The following FLT4 variants were observed in gnomAD, a reference collection of about 807,000 sequenced individuals.
The protein encoded by FLT4 is fms related receptor tyrosine kinase 4, also known as vascular endothelial growth factor receptor 3.
In FLT4, 30 loss-of-function variants were observed where a neutral mutation model predicts 163.2. That is an observed-to-expected ratio of 0.18 (90% CI 0.14 to 0.25). The LOEUF is 0.25. Among genes scored for constraint, FLT4 ranks in the 10% least tolerant of loss-of-function variants. The pLI is 1.00. For missense variants in FLT4, 1,510 were observed against 1,863.8 expected (o/e 0.81, Z 3.50); for synonymous variants, 884 against 789.5 (o/e 1.12, Z -2.01).
At chr5:180,643,568 T>G (rs1379112359) in intron 1 of FLT4, among the ~76,000 whole-genome samples, 1 of 152,012 alleles carries the variant, frequency 6.6e-6, no homozygotes, top group Non-Finnish European at 1.5e-5. Context: ...AGAACACAAG[T>G]CCCTCTCCTG....
chr5:180,618,473 C>A, intron 21 of FLT4, among the ~76,000 whole-genome samples: 1 of 151,952 alleles, frequency 6.6e-6, no homozygotes, highest in Non-Finnish European at 1.5e-5. Flanking sequence ...GGGACACCCA[C>A]GTCCTACTCC....
Position 180,630,252 on chromosome 5 carries a change from G to T in FLT4, c.486C>A (p.Ile162=). The T allele has an allele frequency of 6.2e-7, 1 of 1,612,528 alleles. No homozygotes were observed. Among genetic ancestry groups the T allele is most frequent in the Non-Finnish European group, 8.5e-7 (1 of 1,179,834 alleles). ...AGCGCAGCGTGACATTGAGGCCGGG[G>T]ATGGACACCAGACAGGGCACCCACA... The part of the protein sequence containing the change: ...DAMWVPCLVS[I]PGLNVTLRSQ... Residue 162 remains isoleucine, a synonymous_variant, in exon 4 of 30, where the codon ATC becomes ATA. Coordinates refer to ENST00000261937, the MANE Select transcript of FLT4 (RefSeq NM_182925.5). The surrounding 1 kb of genome is among the most constrained non-coding windows in gnomAD (Gnocchi z 6.3).
chr5:180,639,561 G>A (rs978186753), intron 1 of FLT4, among the ~76,000 whole-genome samples: 29 of 152,156 alleles, frequency 1.9e-4, no homozygotes, highest in African/African-American at 6.8e-4. Context: ...GTGAAGCATG[G>A]ATGGGTGGAT....
At chr5:180,615,139 CA>C (rs1762543029) in intron 23 of FLT4, among the ~76,000 whole-genome samples, 1 of 152,170 alleles carries the variant, frequency 6.6e-6, no homozygotes, top group Non-Finnish European at 1.5e-5. Context: ...CCAATCGGAG[CA>C]CTGCGGCCCC....
At chr5:180,638,249 ACAACCCG>A (rs1764835681) in intron 1 of FLT4, among the ~76,000 whole-genome samples, 1 of 152,284 alleles carries the variant, frequency 6.6e-6, no homozygotes, top group South Asian at 2.1e-4. Flanking sequence ...CACCCCACAG[ACAACCCG>A]CAGTCTACGT....
chr5:180,629,122 G>C, intron 7 of FLT4, 123 bp from the exon 8 acceptor site: 1 of 1,442,886 alleles, frequency 6.9e-7, no homozygotes, highest in South Asian at 1.1e-5. Context: ...TGGCCATGCC[G>C]CCCGGTGCAG....
chr5:180,611,633 C>A, intron 26 of FLT4, 154 bp from the exon 27 acceptor site: 4 of 798,324 alleles, frequency 5.0e-6, no homozygotes, highest in Admixed American at 4.2e-5. Flanking sequence ...CCTCGCCCTG[C>A]CCTCAGCCCT....
chr5:180,645,981 G>T (rs534660142), intron 1 of FLT4, among the ~76,000 whole-genome samples: 1 of 152,252 alleles, frequency 6.6e-6, no homozygotes, highest in South Asian at 2.1e-4. Context: ...AGAGAAAACT[G>T]CCCTGTGGAG....
At position 180,637,284 on chromosome 5, in the gene FLT4, C is replaced by T. The variant is rs377183860; in HGVS notation, c.59-5506G>A. Among the ~76,000 whole-genome samples, 397 of 148,730 alleles carry T rather than the reference C, an allele frequency of 2.7e-3. 3 individuals are homozygous for T. Among genetic ancestry groups the T allele is most frequent in the African/African-American group, 9.2e-3 (372 of 40,230 alleles). ...GGCAGAGGTTGCAGTGAGCTGAGAT[C>T]GTGCCACTACACTCCAGCCTGGGAC... On this transcript the variant is annotated intron_variant, in intron 1 of 29. Transcript: ENST00000261937.
chr5:180,606,904 A>AC lies in FLT4; in HGVS notation c.3893+2063_3893+2064insG, dbSNP rs1554107726. Among the ~76,000 whole-genome samples, 457 of 122,662 alleles carry AC rather than the reference A, an allele frequency of 3.7e-3. 4 individuals carry two copies. Among genetic ancestry groups the AC allele is most frequent in the East Asian group, 7.6e-3 (33 of 4,358 alleles). 80.5% of individuals were successfully genotyped at this position (122,662 alleles called of 152,430 possible). On this transcript the variant is annotated intron_variant, in intron 29 of 29. Transcript: ENST00000261937. ...AACCCCGTCTCTACTAAAAAAAAAAAAAAAAAAAAAACAAACAAACAAACT... is the reference window on the plus strand; with the variant it reads ...AACCCCGTCTCTACTAAAAAAAAAAACAAAAAAAAAAACAAACAAACAAACT...
intron 1 of FLT4, among the ~76,000 whole-genome samples, chr5:180,633,055 C>A (rs746297741): frequency 2.0e-5 from 3 of 152,134 alleles, no homozygotes; most frequent in Non-Finnish European, 4.4e-5. Context: ...CTCCCTGAGG[C>A]CCCAGGGTCC....
intron 29 of FLT4, among the ~76,000 whole-genome samples, chr5:180,604,367 A>G (rs7709359): frequency 0.31 from 47,686 of 151,964 alleles, 7,667 homozygotes; most frequent in East Asian, 0.39. Context: ...AGTCCTGTCC[A>G]TTCTAACTCC....
At chr5:180,649,637 G>C (rs1383343772), upstream of FLT4, 2 of 575,456 alleles carry the variant, frequency 3.5e-6, no homozygotes, top group Admixed American at 5.4e-5. Flanking sequence ...GGCGGGGCGG[G>C]GCGGGGCGGG....
At chr5:180,648,575 G>A (rs1765588763) in intron 1 of FLT4, among the ~76,000 whole-genome samples, 1 of 152,110 alleles carries the variant, frequency 6.6e-6, no homozygotes, top group African/African-American at 2.4e-5. Context: ...TTGATTTCCA[G>A]GGACACCAGC....
intron 11 of FLT4, 51 bp from the exon 12 acceptor site, chr5:180,622,890 C>G: frequency 7.9e-7 from 1 of 1,271,702 alleles, no homozygotes; most frequent in Non-Finnish European, 1.1e-6. Context: ...TTCTCCCAAC[C>G]TGGGCCCTGT....
rs751250906 is a variant in FLT4 at position 180,611,526 on chromosome 5, GCCCTCAGCCCTCGCCCCCA to G, written c.3538-66_3538-48del. 65 of 1,603,080 alleles carry G rather than the reference GCCCTCAGCCCTCGCCCCCA, an allele frequency of 4.1e-5. No homozygotes were observed. In the East Asian group the frequency reaches 7.6e-4, roughly 19 times the overall value. On this transcript the variant is annotated intron_variant, in intron 26 of 29. Coordinates refer to ENST00000261937, the MANE Select transcript of FLT4 (RefSeq NM_182925.5). ...GCCAGGCCAGAAACCACCAGCCACT[GCCCTCAGCCCTCGCCCCCA>G]CCCTCAGCCCTCACCCCCGCCCTCA...
In FLT4 at chr5:180,630,001, G is replaced by A. The variant is rs375132572; in HGVS notation, c.618C>T (p.Cys206=). 141 of 1,612,834 alleles carry A rather than the reference G, an allele frequency of 8.7e-5. 1 individual carries two copies. Among genetic ancestry groups the A allele is most frequent in the Admixed American group, 4.8e-4 (29 of 60,026 alleles). ...AGTCCTGGTCTCCCCAGGTGGTCTC[G>A]CACTGCAGGTACAGGGCATCGTGCA... ...PLLHDALYLQ[C]ETTWGDQDFL... is the part of the protein sequence containing the mutation. Residue 206 remains cysteine, a synonymous_variant, in exon 5 of 30, where the codon TGC becomes TGT. Coordinates refer to ENST00000261937, the MANE Select transcript of FLT4 (RefSeq NM_182925.5). The surrounding 1 kb of genome is among the most constrained non-coding windows in gnomAD (Gnocchi z 6.3).
At chr5:180,629,046 G>A (rs758807862) in intron 7 of FLT4, 47 bp from the exon 8 acceptor site, 1 of 1,532,686 alleles carries the variant, frequency 6.5e-7, no homozygotes, top group Admixed American at 1.7e-5. Context: ...GACCCGTCGT[G>A]GACTGACCAG....
At chr5:180,641,431 A>G (rs1179016301) in intron 1 of FLT4, among the ~76,000 whole-genome samples, 1 of 152,194 alleles carries the variant, frequency 6.6e-6, no homozygotes, top group East Asian at 1.9e-4. Context: ...GTGCTTGGGA[A>G]GACGGGGACT....
Sources: allele counts gnomAD v4.1 joint callset (sites outside exome capture counted in the v4.1 genomes callset), GRCh38; gene constraint gnomAD v4.1.1; non-coding constraint Gnocchi (gnomAD v3.1); transcripts MANE v1.5; gene names NCBI Gene and HGNC (gene_info 2026-07-23, HGNC 2026-07-21).